The following LEPR variants were observed in gnomAD, a reference collection of about 807,000 sequenced individuals.
LEPR encodes OB receptor.
Under a neutral mutation model 114.7 loss-of-function variants are expected in LEPR, and 56 were observed. The ratio of observed to expected loss-of-function variants is 0.49; its 90% CI spans 0.39 to 0.61. The LOEUF is 0.61. Among genes scored for constraint, LEPR ranks in the 20% least tolerant of loss-of-function variants. The probability of loss-of-function intolerance (pLI) is 0.00; values close to 1 mark genes in which losing one functional copy is unlikely to be tolerated. For synonymous variants in LEPR, 443 were observed against 461.4 expected (o/e 0.96, Z 0.51); for missense variants, 1,202 against 1,352.9 (o/e 0.89, Z 1.75).
At chr1:65,589,636 T>TATAG (rs1655553797) in intron 5 of LEPR, among the ~76,000 whole-genome samples, 1 of 152,094 alleles carries the variant, frequency 6.6e-6, no homozygotes, top group African/African-American at 2.4e-5. Flanking sequence ...TTTTATTGCA[T>TATAG]ATAGATATTC....
intron 2 of LEPR, among the ~76,000 whole-genome samples, chr1:65,502,877 G>T (rs1356821840): frequency 6.6e-6 from 1 of 151,720 alleles, no homozygotes; most frequent in Non-Finnish European, 1.5e-5. Flanking sequence ...CAGAGAGAAT[G>T]GGGGTGGGGG....
At chr1:65,566,670 T>A (rs549610033) in intron 3 of LEPR, among the ~76,000 whole-genome samples, 4 of 152,240 alleles carry the variant, frequency 2.6e-5, no homozygotes, top group South Asian at 2.1e-4. Context: ...CAATTGTTTA[T>A]CTAGCTTTCT....
chr1:65,569,326 A>C (rs1439266543), intron 3 of LEPR, among the ~76,000 whole-genome samples: 1 of 152,242 alleles, frequency 6.6e-6, no homozygotes, highest in Non-Finnish European at 1.5e-5. Flanking sequence ...ATTAGTGTCT[A>C]TATAAGCCAA....
intron 2 of LEPR, among the ~76,000 whole-genome samples, chr1:65,495,675 A>T (rs1468957007): frequency 6.6e-6 from 1 of 152,200 alleles, no homozygotes; most frequent in Non-Finnish European, 1.5e-5. Flanking sequence ...ATGAATTGAT[A>T]AAGAAAATGT....
At chr1:65,447,117 CT>C (rs960729884) in intron 2 of LEPR, among the ~76,000 whole-genome samples, 7 of 150,012 alleles carry the variant, frequency 4.7e-5, no homozygotes, top group South Asian at 2.1e-4. Flanking sequence ...AATTTATCAT[CT>C]TTTTTTTTTC....
chr1:65,495,657 A>C (rs964525227), intron 2 of LEPR, among the ~76,000 whole-genome samples: 2 of 152,242 alleles, frequency 1.3e-5, no homozygotes, highest in Non-Finnish European at 2.9e-5. Context: ...CTAAGTGTCC[A>C]TCAACAGATG....
intron 2 of LEPR, chr1:65,434,963 A>G (rs557561963): frequency 7.3e-5 from 72 of 985,484 alleles, no homozygotes; most frequent in South Asian, 5.2e-4. Flanking sequence ...TCCTTTTGAC[A>G]CCTGCATTGG....
chr1:65,572,287 GTTGTTTT>G, intron 4 of LEPR, 32 bp from the exon 5 acceptor site: 1 of 975,502 alleles, frequency 1.0e-6, no homozygotes, highest in Non-Finnish European at 1.3e-6. Context: ...ATTTCATGTA[GTTGTTTT>G]TTTTTTTTTT....
chr1:65,558,542 T>G (rs973833205), intron 2 of LEPR, among the ~76,000 whole-genome samples: 1 of 30,446 alleles, frequency 3.3e-5, no homozygotes, highest in Non-Finnish European at 7.0e-5. Flanking sequence ...TTTTTTGTTT[T>G]TTTTTTGTTT....
chr1:65,565,465 CT>C, intron 2 of LEPR, 80 bp from the exon 3 acceptor site: 1 of 1,380,324 alleles, frequency 7.2e-7, no homozygotes, highest in East Asian at 2.3e-5. Flanking sequence ...AATCCCTTTC[CT>C]TTTATGTTTT....
At chr1:65,536,015 AAGAC>A (rs1256286351) in intron 2 of LEPR, among the ~76,000 whole-genome samples, 2 of 152,136 alleles carry the variant, frequency 1.3e-5, no homozygotes, top group Non-Finnish European at 2.9e-5. Context: ...CTTTAAGTCT[AAGAC>A]AGCATGGATT....
intron 2 of LEPR, among the ~76,000 whole-genome samples, chr1:65,483,279 C>T (rs913271396): frequency 4.0e-5 from 6 of 151,636 alleles, no homozygotes; most frequent in African/African-American, 1.5e-4. Flanking sequence ...AAGAAAAAGA[C>T]AATACCATGG....
intron 2 of LEPR, among the ~76,000 whole-genome samples, chr1:65,542,912 T>C (rs1475941218): frequency 2.0e-5 from 3 of 151,982 alleles, no homozygotes; most frequent in African/African-American, 7.3e-5. Flanking sequence ...TGAATAGTGC[T>C]GCAATAAACA....
At chr1:65,479,122 G>C (rs1234245498) in intron 2 of LEPR, among the ~76,000 whole-genome samples, 5 of 152,160 alleles carry the variant, frequency 3.3e-5, no homozygotes, top group Non-Finnish European at 5.9e-5. Context: ...GTGTATGTCA[G>C]AGCAGGCAGG....
intron 6 of LEPR, among the ~76,000 whole-genome samples, chr1:65,594,153 G>A (rs1233940051): frequency 6.6e-6 from 1 of 151,962 alleles, no homozygotes; most frequent in Non-Finnish European, 1.5e-5. Flanking sequence ...GTAGATCAAA[G>A]AAGATCTCCT....
intron 12 of LEPR, 94 bp from the exon 13 acceptor site, chr1:65,609,853 A>G (rs754626752): frequency 8.4e-6 from 13 of 1,544,778 alleles, no homozygotes; most frequent in Non-Finnish European, 1.2e-5. Context: ...TAATTTTGGA[A>G]TAGTGTTAAG....
intron 11 of LEPR, among the ~76,000 whole-genome samples, chr1:65,606,194 C>T (rs1288604531): frequency 1.3e-5 from 2 of 152,010 alleles, no homozygotes; most frequent in Admixed American, 1.3e-4. Context: ...AATGTAAAGT[C>T]CCAATGAATT....
At chr1:65,488,159 C>CCTTTCTTTCTTTCTTTCTTT (rs71058410) in intron 2 of LEPR, among the ~76,000 whole-genome samples, 4 of 65,480 alleles carry the variant, frequency 6.1e-5, no homozygotes, top group Non-Finnish European at 2.7e-5. Context: ...TTCCTTCCTT[C>CCTTTCTTTCTTTCTTTCTTT]CTTTCTTTCT....
intron 2 of LEPR, among the ~76,000 whole-genome samples, chr1:65,427,627 T>C (rs968378949): frequency 1.3e-5 from 2 of 152,164 alleles, no homozygotes; most frequent in African/African-American, 4.8e-5. Context: ...CTGACGCCCT[T>C]GACCAAACGT....
Sources: gnomAD v4.1 joint callset for allele counts (sites outside exome capture counted in the v4.1 genomes callset) on GRCh38, gnomAD v4.1.1 for gene constraint, MANE v1.5 for transcripts, NCBI Gene and HGNC (gene_info 2026-07-23, HGNC 2026-07-21) for gene names.